PEAK1: variants seen among roughly 807,000 people sequenced by gnomAD.
PEAK1 encodes the protein pseudopodium enriched atypical kinase 1.
In PEAK1, 54 loss-of-function variants were observed where a neutral mutation model predicts 124.7. The observed-to-expected ratio is 0.43, with a 90% CI of 0.35 to 0.54. The LOEUF (loss-of-function observed/expected upper bound fraction) is 0.54, where lower values mean the gene tolerates loss of function less well. Among genes scored for constraint, PEAK1 ranks in the 20% least tolerant of loss-of-function variants. The pLI is 0.01. For synonymous variants in PEAK1, 719 were observed against 760.0 expected (o/e 0.95, Z 0.89); for missense variants, 2,046 against 2,134.5 (o/e 0.96, Z 0.82).
At chr15:77,195,468 A>C (rs1055261490) in intron 6 of PEAK1, among the ~76,000 whole-genome samples, 1 of 152,210 alleles carries the variant, frequency 6.6e-6, no homozygotes, top group African/African-American at 2.4e-5. Context: ...TAGGAGGACA[A>C]TCAAGACAAG....
At chr15:77,203,330 G>A (rs1340689509) in intron 6 of PEAK1, among the ~76,000 whole-genome samples, 1 of 152,090 alleles carries the variant, frequency 6.6e-6, no homozygotes, top group Non-Finnish European at 1.5e-5. Flanking sequence ...AAAACATAGA[G>A]ACAATAAAAA....
chr15:77,250,209 ATG>A (rs2060802520), intron 6 of PEAK1, among the ~76,000 whole-genome samples: 1 of 140,850 alleles, frequency 7.1e-6, no homozygotes. Flanking sequence ...ATACATATAT[ATG>A]TATATATATA....
At chr15:77,325,595 T>G (rs994872781) in intron 2 of PEAK1, among the ~76,000 whole-genome samples, 2 of 152,136 alleles carry the variant, frequency 1.3e-5, no homozygotes, top group African/African-American at 4.8e-5. Context: ...CTTGTAAAGT[T>G]TCCATTTTCT....
At chr15:77,386,906 G>T (rs145385418) in intron 1 of PEAK1, among the ~76,000 whole-genome samples, 1 of 152,190 alleles carries the variant, frequency 6.6e-6, no homozygotes, top group East Asian at 1.9e-4. Context: ...ATCAGCAGAT[G>T]GAGAGGGATC....
At chr15:77,278,129 G>A (rs1404591822) in intron 5 of PEAK1, among the ~76,000 whole-genome samples, 1 of 152,038 alleles carries the variant, frequency 6.6e-6, no homozygotes, top group Non-Finnish European at 1.5e-5. Flanking sequence ...GGATATCTCT[G>A]TATCTTTTTC....
chr15:77,271,827 T>C (rs970772713), intron 5 of PEAK1, among the ~76,000 whole-genome samples: 2 of 152,126 alleles, frequency 1.3e-5, no homozygotes, highest in African/African-American at 2.4e-5. Flanking sequence ...ACATACCTAA[T>C]GTAAATGACG....
intron 6 of PEAK1, among the ~76,000 whole-genome samples, chr15:77,188,975 C>T (rs953852688): frequency 6.6e-6 from 1 of 152,064 alleles, no homozygotes; most frequent in African/African-American, 2.4e-5. Flanking sequence ...CCAAGGCGGG[C>T]AGATCACCTG....
chr15:77,321,991 G>A (rs1482027054), intron 2 of PEAK1, among the ~76,000 whole-genome samples: 13 of 152,092 alleles, frequency 8.5e-5, no homozygotes, highest in Non-Finnish European at 1.8e-4. Context: ...AAAACCGCTC[G>A]ACTACATGGA....
At chr15:77,353,779 A>G (rs1411736570) in intron 2 of PEAK1, among the ~76,000 whole-genome samples, 2 of 152,242 alleles carry the variant, frequency 1.3e-5, no homozygotes, top group African/African-American at 4.8e-5. Flanking sequence ...TCCAAAAATA[A>G]AACTATTTCT....
chr15:77,307,437 G>C (rs2064166430), intron 2 of PEAK1, among the ~76,000 whole-genome samples: 1 of 152,118 alleles, frequency 6.6e-6, no homozygotes. Flanking sequence ...ACAAAGGAAA[G>C]AGAAGCGTAA....
intron 2 of PEAK1, among the ~76,000 whole-genome samples, chr15:77,324,578 G>C (rs2065448356): frequency 6.6e-6 from 1 of 152,170 alleles, no homozygotes; most frequent in Non-Finnish European, 1.5e-5. Flanking sequence ...AAAGAAAAGA[G>C]GTATATTTGG....
rs549841012 is a variant in PEAK1, at chr15:77,130,540, T to C, written c.4077+2465A>G. On this transcript the variant is annotated intron_variant, in intron 9 of 9. Transcript: ENST00000682557. The stretch of plus-strand genomic sequence containing the variant: ...GAAGGTCTGTTTCAAACATACATTC[T>C]GTCTTGATAGACAGGTAAGGCCAAT... Among the ~76,000 whole-genome samples the C allele has an allele frequency of 1.9e-4, 29 of 152,348 alleles. No homozygotes were observed. The East Asian group carries it at 5.4e-3, about 28-fold the overall frequency.
At chr15:77,174,443 T>C (rs923887123) in intron 7 of PEAK1, among the ~76,000 whole-genome samples, 1 of 152,208 alleles carries the variant, frequency 6.6e-6, no homozygotes, top group Non-Finnish European at 1.5e-5. Context: ...TGTTGACATT[T>C]GATGGTAATG....
intron 2 of PEAK1, among the ~76,000 whole-genome samples, chr15:77,338,857 T>C (rs146001377): frequency 2.0e-5 from 3 of 152,008 alleles, no homozygotes; most frequent in East Asian, 1.9e-4. Flanking sequence ...TTATAGTAAA[T>C]TGATTATTTA....
intron 1 of PEAK1, among the ~76,000 whole-genome samples, chr15:77,367,139 G>A (rs949826380): frequency 3.9e-5 from 6 of 152,088 alleles, no homozygotes; most frequent in Non-Finnish European, 8.8e-5. Context: ...TCTCAAAAAA[G>A]AGCTAGAAGC....
At chr15:77,329,467 T>G (rs979056027) in intron 2 of PEAK1, among the ~76,000 whole-genome samples, 1 of 152,194 alleles carries the variant, frequency 6.6e-6, no homozygotes, top group Non-Finnish European at 1.5e-5. Context: ...CCCTGAATTT[T>G]AATCCCCTCT....
intron 7 of PEAK1, among the ~76,000 whole-genome samples, chr15:77,167,664 G>A (rs1596443343): frequency 6.6e-6 from 1 of 152,142 alleles, no homozygotes; most frequent in Non-Finnish European, 1.5e-5. Context: ...TGATCTTGGG[G>A]CCAGTTTCGT....
At chr15:77,230,624 A>G (rs1222601448) in intron 6 of PEAK1, among the ~76,000 whole-genome samples, 1 of 152,138 alleles carries the variant, frequency 6.6e-6, no homozygotes, top group Non-Finnish European at 1.5e-5. Flanking sequence ...TGAGCTGGGC[A>G]CAGTGGCTCA....
At chr15:77,358,306 G>T (rs1207709834) in intron 2 of PEAK1, among the ~76,000 whole-genome samples, 1 of 151,944 alleles carries the variant, frequency 6.6e-6, no homozygotes, top group Non-Finnish European at 1.5e-5. Flanking sequence ...CATTCCTTCT[G>T]TTCACAGTTA....
Sources: allele counts gnomAD v4.1 joint callset (sites outside exome capture counted in the v4.1 genomes callset), GRCh38; gene constraint gnomAD v4.1.1; transcripts MANE v1.5; gene names NCBI Gene and HGNC (gene_info 2026-07-23, HGNC 2026-07-21).